Variants in TSNARE1 observed in about 807,000 individuals in gnomAD.
TSNARE1 encodes t-SNARE domain-containing protein 1.
Under a neutral mutation model 62.0 loss-of-function variants are expected in TSNARE1, and 49 were observed. The observed-to-expected ratio is 0.79, with a 90% CI of 0.63 to 1.00. The LOEUF (loss-of-function observed/expected upper bound fraction) is 1.00, where lower values mean the gene tolerates loss of function less well. Ranked by LOEUF, TSNARE1 falls within the 50% of genes least tolerant of loss-of-function variation. TSNARE1 has a pLI of 0.00. For missense variants in TSNARE1, 755 were observed against 700.1 expected (o/e 1.08, Z -0.88); for synonymous variants, 328 against 294.4 (o/e 1.11, Z -1.17).
intron 11 of TSNARE1, among the ~76,000 whole-genome samples, chr8:142,281,532 G>A (rs1821451572): frequency 6.6e-6 from 1 of 151,984 alleles, no homozygotes; most frequent in African/African-American, 2.4e-5. Flanking sequence ...ACAGTGGGAA[G>A]AGGACATGAG....
intron 4 of TSNARE1, among the ~76,000 whole-genome samples, chr8:142,335,637 GA>G (rs1254254624): frequency 5.3e-5 from 8 of 151,906 alleles, no homozygotes; most frequent in African/African-American, 1.4e-4. Flanking sequence ...TAAAAAGGGG[GA>G]AAAAAAGGAA....
intron 4 of TSNARE1, among the ~76,000 whole-genome samples, chr8:142,341,714 G>A (rs192475673): frequency 3.9e-5 from 6 of 152,168 alleles, no homozygotes; most frequent in East Asian, 1.9e-4. Flanking sequence ...CTCACTGCCC[G>A]GCAGGCTGCA....
At chr8:142,387,488 G>C (rs1837188682) in intron 1 of TSNARE1, among the ~76,000 whole-genome samples, 1 of 151,906 alleles carries the variant, frequency 6.6e-6, no homozygotes, top group Non-Finnish European at 1.5e-5. Flanking sequence ...GCTGAATCTT[G>C]GAAGAAAAAA....
chr8:142,285,960 CAG>C (rs1822670711), intron 10 of TSNARE1, among the ~76,000 whole-genome samples: 1 of 152,208 alleles, frequency 6.6e-6, no homozygotes, highest in South Asian at 2.1e-4. Flanking sequence ...ACCCATCTAA[CAG>C]AGCAGGGATT....
chr8:142,350,671 T>C (rs11996196), intron 2 of TSNARE1, among the ~76,000 whole-genome samples: 46,844 of 152,166 alleles, frequency 0.31, 9,298 homozygotes, highest in African/African-American at 0.56. Context: ...ACTGTCATTA[T>C]GCACAAACAC....
chr8:142,404,660 A>G (rs1838538603), upstream of TSNARE1: 1 of 152,286 alleles, frequency 6.6e-6, no homozygotes, highest in Non-Finnish European at 1.5e-5. Flanking sequence ...TAGGACAGCT[A>G]GAGTGCAGGG....
chr8:142,323,324 G>A (rs376544182), intron 6 of TSNARE1, among the ~76,000 whole-genome samples: 2 of 152,208 alleles, frequency 1.3e-5, no homozygotes, highest in African/African-American at 4.8e-5. Flanking sequence ...AGCACGGGGG[G>A]CAGCACCAGC....
At chr8:142,349,450 A>G (rs1172696742) in intron 2 of TSNARE1, among the ~76,000 whole-genome samples, 2 of 152,190 alleles carry the variant, frequency 1.3e-5, no homozygotes, top group Non-Finnish European at 1.5e-5. Context: ...TAAATATTCA[A>G]TCTGGGAGTC....
At position 142,300,474 on chromosome 8, in the gene TSNARE1, C is replaced by G; in HGVS notation, c.1290+12G>C. 1 of 1,596,516 alleles carries G rather than the reference C, an allele frequency of 6.3e-7. No individual in the cohort carries two copies. The highest frequency in any genetic ancestry group is 8.5e-7 in the Non-Finnish European group (1 of 1,175,686). The stretch of plus-strand genomic sequence containing the variant: ...TGTGGAGAGTGAGCACGCTTGCCCA[C>G]GCCAGCCTCACCTCCATCTGCAGGA... On this transcript the variant is annotated intron_variant, in intron 10 of 13. Transcript: ENST00000524325.
intron 6 of TSNARE1, among the ~76,000 whole-genome samples, chr8:142,324,255 TC>T (rs1396510091): frequency 1.3e-5 from 2 of 152,090 alleles, no homozygotes; most frequent in African/African-American, 4.8e-5. Context: ...AACCCATGTA[TC>T]CCCACAAAGC....
intron 9 of TSNARE1, among the ~76,000 whole-genome samples, chr8:142,303,269 G>A (rs1359758127): frequency 6.6e-6 from 1 of 152,144 alleles, no homozygotes; most frequent in Admixed American, 6.5e-5. Context: ...AGCGCTCCTG[G>A]GGAGGCCTCC....
At chr8:142,309,655 C>T (rs1827260777) in intron 9 of TSNARE1, among the ~76,000 whole-genome samples, 1 of 152,166 alleles carries the variant, frequency 6.6e-6, no homozygotes, top group East Asian at 1.9e-4. Flanking sequence ...ATTGAAGTTA[C>T]TAATATTTAG....
chr8:142,287,868 C>T (rs943476097), intron 10 of TSNARE1, among the ~76,000 whole-genome samples: 2 of 151,306 alleles, frequency 1.3e-5, no homozygotes, highest in Non-Finnish European at 2.9e-5. Context: ...GGTCGTGGAA[C>T]CCAGGACCTC....
chr8:142,395,451 GGGCAGGCTGCAGGCA>G (rs1431263085), intron 1 of TSNARE1, among the ~76,000 whole-genome samples: 2 of 152,168 alleles, frequency 1.3e-5, no homozygotes, highest in Admixed American at 6.5e-5. Flanking sequence ...AAGACACGGG[GGGCAGGCTGCAGGCA>G]GCCTGCGGAG....
chr8:142,332,173 G>A (rs559754096), intron 4 of TSNARE1, among the ~76,000 whole-genome samples: 2 of 152,232 alleles, frequency 1.3e-5, no homozygotes, highest in Non-Finnish European at 2.9e-5. Flanking sequence ...GCATCACTAA[G>A]AGTCAAAGCA....
chr8:142,378,529 G>A (rs1168997109), intron 1 of TSNARE1, among the ~76,000 whole-genome samples: 3 of 152,198 alleles, frequency 2.0e-5, no homozygotes, highest in Non-Finnish European at 4.4e-5. Context: ...AAGACCAGAA[G>A]GAGATCTATT....
At chr8:142,311,994 G>C (rs1399243488) in intron 9 of TSNARE1, among the ~76,000 whole-genome samples, 4 of 152,192 alleles carry the variant, frequency 2.6e-5, no homozygotes, top group African/African-American at 9.7e-5. Context: ...AACACAGATT[G>C]AATATCCCTC....
intron 12 of TSNARE1, among the ~76,000 whole-genome samples, chr8:142,266,915 G>A (rs1000257721): frequency 3.3e-5 from 5 of 152,122 alleles, no homozygotes; most frequent in Non-Finnish European, 7.4e-5. Flanking sequence ...AAATCTTCGA[G>A]TTTGCTATTA....
At chr8:142,239,807 G>T (rs1817600415) in intron 12 of TSNARE1, among the ~76,000 whole-genome samples, 1 of 152,232 alleles carries the variant, frequency 6.6e-6, no homozygotes, top group Admixed American at 6.5e-5. Context: ...AAGGGCTGGG[G>T]ATTGGAGCAT....
Sources: allele counts gnomAD v4.1 joint callset (sites outside exome capture counted in the v4.1 genomes callset), GRCh38; gene constraint gnomAD v4.1.1; transcripts MANE v1.5; gene names NCBI Gene and HGNC (gene_info 2026-07-23, HGNC 2026-07-21).